GALNT17: variants seen among roughly 807,000 people sequenced by gnomAD.
The protein encoded by GALNT17 is UDP-GalNAc:polypeptide N-acetylgalactosaminyltransferase-like 3.
Under a neutral mutation model 63.7 loss-of-function variants are expected in GALNT17, and 29 were observed. The observed-to-expected ratio is 0.46, with a 90% CI of 0.34 to 0.62. The LOEUF (loss-of-function observed/expected upper bound fraction) is 0.62, where lower values mean the gene tolerates loss of function less well. Ranked by LOEUF, GALNT17 falls within the 20% of genes least tolerant of loss-of-function variation. The pLI, the probability that GALNT17 is intolerant of heterozygous loss-of-function variation, is 0.01. For missense variants in GALNT17, 603 were observed against 799.6 expected, an observed-to-expected ratio of 0.75 and a Z score of 2.97; for synonymous variants, 305 against 318.3, an observed-to-expected ratio of 0.96 and a Z score of 0.45.
intron 1 of GALNT17, among the ~76,000 whole-genome samples, chr7:71,267,894 T>G (rs1266035087): frequency 6.6e-6 from 1 of 150,390 alleles, no homozygotes; most frequent in Non-Finnish European, 1.5e-5. Context: ...CAGTGTGTGT[T>G]TTTCCCCTCC....
Position 71,221,412 on chromosome 7 carries a change from C to G in GALNT17, c.238+88372C>G, listed in dbSNP as rs139125425. Among the ~76,000 whole-genome samples, 859 of 141,736 alleles carry G rather than the reference C, an allele frequency of 6.1e-3. 11 individuals are homozygous for G. Among genetic ancestry groups the G allele is most frequent in the African/African-American group, 0.02 (784 of 38,498 alleles). 93.0% of individuals were successfully genotyped at this position (141,736 alleles called of 152,430 possible). ...TTTTTTTTTTTTTTTTTTTTCCAACCCTACAACTTGTTCCTCACCTCCCGG... is the reference window on the plus strand; with the variant it reads ...TTTTTTTTTTTTTTTTTTTTCCAACGCTACAACTTGTTCCTCACCTCCCGG... On this transcript the variant is annotated intron_variant, in intron 1 of 10. Coordinates refer to ENST00000333538, the MANE Select transcript of GALNT17 (RefSeq NM_022479.3).
intron 1 of GALNT17, among the ~76,000 whole-genome samples, chr7:71,158,305 T>C (rs1427792823): frequency 6.6e-6 from 1 of 151,740 alleles, no homozygotes; most frequent in Non-Finnish European, 1.5e-5. Flanking sequence ...CCTTTGGGGG[T>C]TGACTGCCTT....
At chr7:71,436,483 G>A (rs534802660) in intron 5 of GALNT17, among the ~76,000 whole-genome samples, 2 of 152,236 alleles carry the variant, frequency 1.3e-5, no homozygotes, top group African/African-American at 2.4e-5. Context: ...ACTTTGGGAG[G>A]CCGAGGCAGG....
chr7:71,515,150 G>C (rs185633539), intron 5 of GALNT17, among the ~76,000 whole-genome samples: 1 of 152,116 alleles, frequency 6.6e-6, no homozygotes, highest in African/African-American at 2.4e-5. Context: ...CCAGTTTTAG[G>C]TATGTCCTTA....
At chr7:71,375,767 G>T (rs1583901090) in intron 2 of GALNT17, among the ~76,000 whole-genome samples, 1 of 152,146 alleles carries the variant, frequency 6.6e-6, no homozygotes, top group Admixed American at 6.5e-5. Context: ...AGACGTGGTG[G>T]CTCATGCCTG....
chr7:71,649,120 A>T (rs1201011162), intron 6 of GALNT17, among the ~76,000 whole-genome samples: 2 of 152,098 alleles, frequency 1.3e-5, no homozygotes, highest in Admixed American at 1.3e-4. Flanking sequence ...CCTGACCTTG[A>T]GTCCTAATCT....
intron 1 of GALNT17, among the ~76,000 whole-genome samples, chr7:71,327,777 A>AG (rs1340802433): frequency 3.3e-5 from 5 of 152,218 alleles, no homozygotes; most frequent in Admixed American, 1.3e-4. Context: ...TAAGGTCTGC[A>AG]GAGGCAAGAG....
In GALNT17 at chr7:71,547,875, A is replaced by C. The variant is rs1789012211; in HGVS notation, c.963-23410A>C. On this transcript the variant is annotated intron_variant, in intron 5 of 10. Transcript: ENST00000333538. ...TGTACACAGTGATTTTTTTAAGGAC[A>C]CTTATAGCACTAATATTGTGTGAAT... is the stretch of plus-strand genomic sequence containing the variant. Among the ~76,000 whole-genome samples, 2 of 152,100 alleles carry C rather than the reference A, an allele frequency of 1.3e-5. 1 individual carries two copies. Among genetic ancestry groups the C allele is most frequent in the South Asian group, 4.1e-4 (2 of 4,824 alleles).
chr7:71,603,879 C>G (rs1050500053), intron 6 of GALNT17, among the ~76,000 whole-genome samples: 3 of 150,482 alleles, frequency 2.0e-5, no homozygotes, highest in Admixed American at 2.0e-4. Context: ...AGTGCATACA[C>G]CAGGTACTGT....
intron 1 of GALNT17, among the ~76,000 whole-genome samples, chr7:71,184,208 A>ATC (rs1788789045): frequency 4.6e-5 from 7 of 152,258 alleles, no homozygotes; most frequent in Admixed American, 4.6e-4. Context: ...TGACACCTTC[A>ATC]TCTCGGACTT....
intron 1 of GALNT17, among the ~76,000 whole-genome samples, chr7:71,170,445 C>G (rs373117397): frequency 6.6e-6 from 1 of 152,062 alleles, no homozygotes; most frequent in Non-Finnish European, 1.5e-5. Flanking sequence ...GAGCGATTCT[C>G]CTGCTTCAGC....
At chr7:71,531,483 G>T (rs1170608087) in intron 5 of GALNT17, among the ~76,000 whole-genome samples, 6 of 152,208 alleles carry the variant, frequency 3.9e-5, no homozygotes, top group Non-Finnish European at 8.8e-5. Context: ...CATACTAGTA[G>T]TAGTAACAAT....
At chr7:71,372,234 G>C (rs1792637572) in intron 2 of GALNT17, among the ~76,000 whole-genome samples, 1 of 152,062 alleles carries the variant, frequency 6.6e-6, no homozygotes, top group African/African-American at 2.4e-5. Flanking sequence ...GCACAATCTT[G>C]GCTCACTGCA....
At chr7:71,620,215 G>A (rs1917740) in intron 6 of GALNT17, among the ~76,000 whole-genome samples, 144,906 of 152,270 alleles carry the variant, frequency 0.95, 69,372 homozygotes, top group East Asian at 1. Flanking sequence ...GGACTTTTGC[G>A]TCTGTGTTCA....
intron 1 of GALNT17, among the ~76,000 whole-genome samples, chr7:71,272,304 G>A (rs968532717): frequency 2.4e-4 from 37 of 152,192 alleles, no homozygotes; most frequent in Admixed American, 1.4e-3. Flanking sequence ...ATACAGTCAT[G>A]TGAACATATG....
chr7:71,167,043 TA>T (rs1018858079), intron 1 of GALNT17, among the ~76,000 whole-genome samples: 2 of 144,604 alleles, frequency 1.4e-5, no homozygotes, highest in African/African-American at 5.3e-5. Context: ...CCTGGCTAAG[TA>T]CTTTTTTTTT....
intron 1 of GALNT17, among the ~76,000 whole-genome samples, chr7:71,222,780 A>G (rs1454960518): frequency 6.6e-6 from 1 of 151,908 alleles, no homozygotes; most frequent in Non-Finnish European, 1.5e-5. Context: ...TTAGCTTAAG[A>G]TGGTTTCTGG....
At chr7:71,371,779 C>A (rs1043226349) in intron 2 of GALNT17, among the ~76,000 whole-genome samples, 1 of 152,064 alleles carries the variant, frequency 6.6e-6, no homozygotes, top group Non-Finnish European at 1.5e-5. Flanking sequence ...GGAAGGGAGA[C>A]GTGCACTATT....
At chr7:71,688,912 C>T (rs1243941431) in intron 9 of GALNT17, among the ~76,000 whole-genome samples, 1 of 152,152 alleles carries the variant, frequency 6.6e-6, no homozygotes, top group East Asian at 1.9e-4. Context: ...AACGTGACAT[C>T]GAGCAAGTCT....
Sources: gnomAD v4.1 joint callset for allele counts (sites outside exome capture counted in the v4.1 genomes callset) on GRCh38, gnomAD v4.1.1 for gene constraint, MANE v1.5 for transcripts, NCBI Gene and HGNC (gene_info 2026-07-23, HGNC 2026-07-21) for gene names.